The following PPA2 variants were observed in gnomAD, a reference collection of about 807,000 sequenced individuals.
PPA2 encodes the protein inorganic pyrophosphatase 2, mitochondrial.
In PPA2, 48 loss-of-function variants were observed where a neutral mutation model predicts 49.5. The observed-to-expected ratio is 0.97, with a 90% CI of 0.77 to 1.23. The LOEUF is 1.23. Among genes scored for constraint, PPA2 ranks in the 50% most tolerant of loss-of-function variants. The pLI, the probability that PPA2 is intolerant of heterozygous loss-of-function variation, is 0.00. For missense variants in PPA2, 429 were observed against 410.1 expected (o/e 1.05, Z -0.40); for synonymous variants, 131 against 139.9 (o/e 0.94, Z 0.45).
intron 9 of PPA2, among the ~76,000 whole-genome samples, chr4:105,393,836 T>C (rs1398149247): frequency 6.6e-6 from 1 of 151,994 alleles, no homozygotes; most frequent in African/African-American, 2.4e-5. Flanking sequence ...AGATAGGCAA[T>C]TCATTACAGA....
chr4:105,471,543 T>A (rs781058631), intron 1 of PPA2, among the ~76,000 whole-genome samples: 2 of 152,160 alleles, frequency 1.3e-5, no homozygotes, highest in African/African-American at 2.4e-5. Flanking sequence ...GAGTAACAAT[T>A]TTAGGCCAAG....
chr4:105,370,604 C>A, intron 11 of PPA2: 1 of 978,454 alleles, frequency 1.0e-6, no homozygotes, highest in Non-Finnish European at 1.2e-6. Flanking sequence ...AAAAAAGTCA[C>A]CGTACAATCA....
chr4:105,447,503 A>G (rs932659120), intron 4 of PPA2, among the ~76,000 whole-genome samples: 2 of 152,232 alleles, frequency 1.3e-5, no homozygotes, highest in Non-Finnish European at 2.9e-5. Context: ...GTACATTTCA[A>G]AATTGCTAAG....
chr4:105,396,472 C>T (rs988314029), intron 8 of PPA2, 138 bp from the exon 9 acceptor site: 10 of 566,020 alleles, frequency 1.8e-5, no homozygotes, highest in East Asian at 6.5e-5. Flanking sequence ...GGTATAAATT[C>T]TGGCTTCCTT....
chr4:105,457,285 C>A (rs1578881457), intron 1 of PPA2, among the ~76,000 whole-genome samples: 1 of 152,130 alleles, frequency 6.6e-6, no homozygotes, highest in South Asian at 2.1e-4. Flanking sequence ...ATAACAGAAA[C>A]TATCTTACCT....
intron 7 of PPA2, among the ~76,000 whole-genome samples, chr4:105,403,971 C>T (rs1461158548): frequency 6.6e-6 from 1 of 151,064 alleles, no homozygotes; most frequent in Non-Finnish European, 1.5e-5. Flanking sequence ...CATGAGTTTG[C>T]CAAGACTTCA....
chr4:105,406,450 A>C (rs538844658), intron 7 of PPA2, among the ~76,000 whole-genome samples: 3 of 152,332 alleles, frequency 2.0e-5, no homozygotes, highest in Admixed American at 6.5e-5. Context: ...TTACAGATCC[A>C]CAAAGCTCAG....
At chr4:105,416,963 T>C (rs1406362394) in intron 7 of PPA2, among the ~76,000 whole-genome samples, 3 of 152,326 alleles carry the variant, frequency 2.0e-5, no homozygotes, top group African/African-American at 4.8e-5. Flanking sequence ...ATATGCACTG[T>C]AGCAGAAAAA....
At chr4:105,391,141 C>T (rs530813424) in intron 9 of PPA2, among the ~76,000 whole-genome samples, 1 of 151,828 alleles carries the variant, frequency 6.6e-6, no homozygotes, top group Non-Finnish European at 1.5e-5. Flanking sequence ...ACAATCAGAA[C>T]ACATGGACAC....
In PPA2 at chr4:105,424,326, T is replaced by C. The variant is rs2110270117; in HGVS notation, c.529-4A>G. 1 of 1,580,680 alleles carries C rather than the reference T, an allele frequency of 6.3e-7. No individual in the cohort carries two copies. Among genetic ancestry groups the C allele is most frequent in the East Asian group, 2.3e-5 (1 of 44,346 alleles). The stretch of plus-strand genomic sequence containing the variant: ...TAACTTCTCCACAAGAAAGAATCTT[T>C]AAAGAAAAAAGAAATTCACTATTTG... On this transcript the variant is annotated splice_polypyrimidine_tract_variant and splice_region_variant and intron_variant, in intron 6 of 11. Coordinates refer to ENST00000341695, the MANE Select transcript of PPA2 (RefSeq NM_176869.3).
At chr4:105,378,713 C>A (rs1020778256) in intron 10 of PPA2, among the ~76,000 whole-genome samples, 1 of 151,934 alleles carries the variant, frequency 6.6e-6, no homozygotes, top group Admixed American at 6.6e-5. Context: ...GGTCTAGGAT[C>A]CATTTTAGAC....
intron 1 of PPA2, among the ~76,000 whole-genome samples, chr4:105,457,491 G>T (rs1355631651): frequency 6.6e-6 from 1 of 152,014 alleles, no homozygotes; most frequent in African/African-American, 2.4e-5. Context: ...TACCTGTTTG[G>T]CATAATTTTC....
At chr4:105,443,886 T>C (rs969728917) in intron 5 of PPA2, among the ~76,000 whole-genome samples, 2 of 152,108 alleles carry the variant, frequency 1.3e-5, no homozygotes, top group Non-Finnish European at 2.9e-5. Flanking sequence ...TTCCCTCACT[T>C]CCTTTAGATC....
At chr4:105,456,353 C>A in intron 2 of PPA2, 1 of 430,594 alleles carries the variant, frequency 2.3e-6, no homozygotes, top group Non-Finnish European at 4.5e-6. Flanking sequence ...TAGTGGCTAG[C>A]AAATAAAAAA....
chr4:105,447,476 T>G (rs1722443566), intron 4 of PPA2, among the ~76,000 whole-genome samples: 2 of 152,204 alleles, frequency 1.3e-5, no homozygotes, highest in Admixed American at 1.3e-4. Flanking sequence ...CACAACTTGA[T>G]GAGTATAGTT....
chr4:105,471,599 T>C (rs1445915269), intron 1 of PPA2, among the ~76,000 whole-genome samples: 9 of 152,210 alleles, frequency 5.9e-5, no homozygotes, highest in Non-Finnish European at 8.8e-5. Context: ...TAGTCCACCC[T>C]AGTACTGCAT....
At chr4:105,414,070 A>C (rs568700557) in intron 7 of PPA2, among the ~76,000 whole-genome samples, 1 of 152,296 alleles carries the variant, frequency 6.6e-6, no homozygotes, top group South Asian at 2.1e-4. Context: ...AGAAGATACA[A>C]ATAAGCCAAT....
Position 105,399,060 on chromosome 4 carries a change from A to T in PPA2, c.760T>A (p.Phe254Ile). Reference protein sequence around the residue: ...PDGKPENQFAFNGEFKNKAFA... With the variant: ...PDGKPENQFAINGEFKNKAFA... ...ACCTTGTTTTTGAATTCTCCATTAA[A>T]AGCAAACTGGTTTTCTGGTTTTCCA... The change falls in exon 8 of 12, where the codon TTT becomes ATT. Residue 254 changes from phenylalanine (F) to isoleucine (I), a missense_variant. Physicochemically the swap from Phe to Ile is conservative, Grantham distance 21. Coordinates refer to ENST00000341695, the MANE Select transcript of PPA2 (RefSeq NM_176869.3). 6.2e-7 allele frequency: 1 copy of T among 1,608,546 alleles called. No homozygotes were observed. Among genetic ancestry groups the T allele is most frequent in the East Asian group, 2.2e-5 (1 of 44,820 alleles).
At chr4:105,470,623 T>C (rs974480547) in intron 1 of PPA2, among the ~76,000 whole-genome samples, 6 of 149,428 alleles carry the variant, frequency 4.0e-5, no homozygotes, top group African/African-American at 1.5e-4. Context: ...TCACAGAATC[T>C]AATAATAAGG....
Sources: allele counts gnomAD v4.1 joint callset (sites outside exome capture counted in the v4.1 genomes callset), GRCh38; gene constraint gnomAD v4.1.1; transcripts MANE v1.5; gene names NCBI Gene and HGNC (gene_info 2026-07-23, HGNC 2026-07-21).